The following SORBS2 variants were observed in gnomAD, a reference collection of about 807,000 sequenced individuals.
SORBS2 encodes sorbin and SH3 domain-containing protein 2.
In SORBS2, 46 loss-of-function variants were observed where a neutral mutation model predicts 97.7. That is an observed-to-expected ratio of 0.47 (90% CI 0.37 to 0.60). The LOEUF (loss-of-function observed/expected upper bound fraction) is 0.60. Ranked by LOEUF, SORBS2 falls within the 20% of genes least tolerant of loss-of-function variation. The pLI is 0.00. For missense variants in SORBS2, 1,316 were observed against 1,282.3 expected (o/e 1.03, Z -0.40); for synonymous variants, 476 against 473.4 (o/e 1.01, Z -0.07).
chr4:185,796,057 G>C (rs2099103178), intron 1 of SORBS2, among the ~76,000 whole-genome samples: 1 of 152,054 alleles, frequency 6.6e-6, no homozygotes, highest in East Asian at 1.9e-4. Flanking sequence ...CCTCCTACAG[G>C]AAATTCCCTT....
chr4:185,688,228 C>T (rs192039479), intron 2 of SORBS2, among the ~76,000 whole-genome samples: 3 of 152,186 alleles, frequency 2.0e-5, no homozygotes, highest in Admixed American at 1.3e-4. Flanking sequence ...TTCCCCATGG[C>T]TAGTTTATTA....
intron 1 of SORBS2, among the ~76,000 whole-genome samples, chr4:185,856,997 C>T (rs2099220878): frequency 6.6e-6 from 1 of 152,086 alleles, no homozygotes; most frequent in Non-Finnish European, 1.5e-5. Context: ...CCACCAAGTC[C>T]CTTCCTCAAC....
At chr4:185,746,439 C>G (rs1238834580) in intron 2 of SORBS2, among the ~76,000 whole-genome samples, 2 of 152,172 alleles carry the variant, frequency 1.3e-5, no homozygotes, top group Non-Finnish European at 2.9e-5. Flanking sequence ...GCCTCAGCCT[C>G]CCGAGTAGCT....
intron 2 of SORBS2, among the ~76,000 whole-genome samples, chr4:185,756,305 A>G (rs2153604370): frequency 6.6e-6 from 1 of 152,334 alleles, no homozygotes; most frequent in South Asian, 2.1e-4. Flanking sequence ...ATTTCCCCTT[A>G]GTATAGCTAT....
chr4:185,623,619 G>A lies in SORBS2; in HGVS notation c.1510C>T (p.Gln504Ter). Residue 504 changes from glutamine (Q) to a stop codon, truncating the protein, a stop_gained, in exon 7 of 15, where the codon CAG (glutamine) becomes TAG (stop). Transcript: ENST00000418609. LOFTEE classifies it high-confidence loss of function. The surrounding 1 kb of genome is among the most constrained non-coding windows in gnomAD (Gnocchi z 6.4). ...CTGTGGTCGGACACAACCCCGTCCT[G>A]GTCGCTGTCGGAAAACTCCACGTGT... The A allele has an allele frequency of 1.2e-6, 2 of 1,614,122 alleles. No individual in the cohort carries two copies. Among genetic ancestry groups the A allele is most frequent in the Non-Finnish European group, 1.7e-6 (2 of 1,180,040 alleles).
chr4:185,629,869 G>A (rs1337969155), intron 5 of SORBS2, among the ~76,000 whole-genome samples: 1 of 151,918 alleles, frequency 6.6e-6, no homozygotes, highest in African/African-American at 2.4e-5. Context: ...CATGAATTTT[G>A]TAATATTTTT....
At chr4:185,687,801 G>A (rs2097998554) in intron 2 of SORBS2, among the ~76,000 whole-genome samples, 1 of 152,158 alleles carries the variant, frequency 6.6e-6, no homozygotes, top group South Asian at 2.1e-4. Context: ...AAAATTGCTG[G>A]AACAGAATGA....
chr4:185,641,805 CT>C (rs1206950447), intron 4 of SORBS2, among the ~76,000 whole-genome samples: 2 of 149,232 alleles, frequency 1.3e-5, no homozygotes, highest in African/African-American at 4.9e-5. Flanking sequence ...TTAAAACTAA[CT>C]TTGTTAGTCA....
At chr4:185,784,372 C>T (rs1409863905) in intron 1 of SORBS2, among the ~76,000 whole-genome samples, 2 of 152,256 alleles carry the variant, frequency 1.3e-5, no homozygotes, top group East Asian at 1.9e-4. Flanking sequence ...CCTCGTGATC[C>T]GCCCACCTCG....
At chr4:185,892,148 C>T (rs2099242844) in intron 1 of SORBS2, among the ~76,000 whole-genome samples, 1 of 152,172 alleles carries the variant, frequency 6.6e-6, no homozygotes, top group South Asian at 2.1e-4. Context: ...TTAATTTCTT[C>T]TCCTCCTGCT....
rs535610518 is a variant in SORBS2, at chr4:185,845,159, G to A, written c.-337-69793C>T. 7.9e-5 allele frequency among the ~76,000 whole-genome samples: 12 copies of A among 151,866 alleles called. No individual in the cohort carries two copies. The South Asian group carries it at 2.5e-3, about 32-fold the overall frequency. On this transcript the variant is annotated intron_variant, in intron 1 of 20. Coordinates refer to the SORBS2 transcript ENST00000284776. Reference sequence around the variant, plus strand: ...CCCCTAGTACCTGGGACTACTAGTGGACACCACCACCCCCCAGCTAATTTT... The same window carrying A: ...CCCCTAGTACCTGGGACTACTAGTGAACACCACCACCCCCCAGCTAATTTT...
At chr4:185,867,900 G>T (rs976233089) in intron 1 of SORBS2, among the ~76,000 whole-genome samples, 8 of 152,006 alleles carry the variant, frequency 5.3e-5, no homozygotes, top group Non-Finnish European at 1.0e-4. Flanking sequence ...ACCCTCAGGG[G>T]TCCCACCAAC....
chr4:185,787,535 T>G (rs1298247418), intron 1 of SORBS2, among the ~76,000 whole-genome samples: 2 of 152,224 alleles, frequency 1.3e-5, no homozygotes, highest in African/African-American at 4.8e-5. Flanking sequence ...TTTTTTACTT[T>G]GTAGAAAGAT....
chr4:185,889,509 T>A (rs997475110), intron 1 of SORBS2, among the ~76,000 whole-genome samples: 3 of 152,190 alleles, frequency 2.0e-5, no homozygotes, highest in African/African-American at 4.8e-5. Flanking sequence ...TGGGACATGA[T>A]GCTGTTGCAC....
At chr4:185,617,676 T>C (rs2096649499) in intron 9 of SORBS2, among the ~76,000 whole-genome samples, 1 of 152,210 alleles carries the variant, frequency 6.6e-6, no homozygotes, top group East Asian at 1.9e-4. Context: ...CACCCTCTTA[T>C]ATATAAGTCT....
intron 1 of SORBS2, among the ~76,000 whole-genome samples, chr4:185,827,118 C>T (rs1585257241): frequency 7.8e-6 from 1 of 128,170 alleles, no homozygotes; most frequent in Non-Finnish European, 1.7e-5. Flanking sequence ...TCGCCATCAT[C>T]ATCACCATCA....
At position 185,828,403 on chromosome 4, in the gene SORBS2, G is replaced by GT. The variant is rs1446962681; in HGVS notation, c.-337-53038dup. Reference sequence around the variant, plus strand: ...CAGCAATGCACACTCTGGGAGCTGGGTGAGTGGACACCTTAGTTCTGAAAG... The same window carrying GT: ...CAGCAATGCACACTCTGGGAGCTGGGTTGAGTGGACACCTTAGTTCTGAAAG... On this transcript the variant is annotated intron_variant, in intron 1 of 20. Coordinates refer to the SORBS2 transcript ENST00000284776. Among the ~76,000 whole-genome samples, 9 of 152,178 alleles carry GT rather than the reference G, an allele frequency of 5.9e-5. 1 individual carries two copies. In the East Asian group the frequency reaches 1.7e-3, roughly 29 times the overall value.
intron 1 of SORBS2, among the ~76,000 whole-genome samples, chr4:185,938,089 A>G (rs1289091686): frequency 1.4e-5 from 2 of 146,084 alleles, no homozygotes; most frequent in Non-Finnish European, 3.0e-5. Flanking sequence ...GGCCCACTGC[A>G]ACCCCCACCT....
At chr4:185,949,063 C>T (rs2099275925) in intron 1 of SORBS2, among the ~76,000 whole-genome samples, 1 of 150,916 alleles carries the variant, frequency 6.6e-6, no homozygotes, top group African/African-American at 2.4e-5. Context: ...CAATGATGCA[C>T]AAGAAATTTC....
Sources: allele counts gnomAD v4.1 joint callset (sites outside exome capture counted in the v4.1 genomes callset), GRCh38; gene constraint gnomAD v4.1.1; non-coding constraint Gnocchi (gnomAD v3.1); transcripts MANE v1.5; gene names NCBI Gene and HGNC (gene_info 2026-07-23, HGNC 2026-07-21).